The following ARMC2 variants were observed in gnomAD, a reference collection of about 807,000 sequenced individuals.
ARMC2 encodes the protein armadillo repeat-containing protein 2.
ARMC2 carries 67 observed loss-of-function variants against 90.3 expected under a neutral mutation model. The ratio of observed to expected loss-of-function variants is 0.74; its 90% confidence interval spans 0.61 to 0.91. ARMC2 has a LOEUF of 0.91. ARMC2 is among the 40% of genes least tolerant of loss of function. ARMC2 has a pLI of 0.00. For synonymous variants in ARMC2, 393 were observed against 393.0 expected (o/e 1.00, Z 0.00); for missense variants, 920 against 1,030.9 (o/e 0.89, Z 1.47).
At chr6:109,005,404 C>T in the ARMC2 span, among the ~76,000 whole-genome samples, 21 of 152,110 alleles carry the variant, frequency 1.4e-4, no homozygotes, top group Non-Finnish European at 2.5e-4. Flanking sequence ...CTTTATCTTA[C>T]AAATACATTA....
the ARMC2 span, among the ~76,000 whole-genome samples, chr6:109,037,702 G>C: frequency 6.6e-6 from 1 of 151,912 alleles, no homozygotes. Flanking sequence ...TAGAAACTTG[G>C]ACAATCATCA....
the ARMC2 span, among the ~76,000 whole-genome samples, chr6:109,035,313 G>A: frequency 6.6e-6 from 1 of 152,104 alleles, no homozygotes; most frequent in African/African-American, 2.4e-5. Flanking sequence ...TAACTTCAGA[G>A]AGCTAAGTCA....
At chr6:109,036,024 G>A in the ARMC2 span, among the ~76,000 whole-genome samples, 1 of 152,046 alleles carries the variant, frequency 6.6e-6, no homozygotes, top group Non-Finnish European at 1.5e-5. Flanking sequence ...AAGACTTTCA[G>A]AAACCCTCAA....
intron 12 of ARMC2, among the ~76,000 whole-genome samples, chr6:108,938,405 C>T (rs1776140302): frequency 1.4e-5 from 2 of 144,848 alleles, no homozygotes; most frequent in South Asian, 4.5e-4. Flanking sequence ...TGTGCCACCA[C>T]ACCTGGCTAA....
the ARMC2 span, among the ~76,000 whole-genome samples, chr6:109,006,435 C>T: frequency 6.6e-6 from 1 of 151,376 alleles, no homozygotes; most frequent in Non-Finnish European, 1.5e-5. Context: ...TCTCCTAATG[C>T]TATCCCTCCC....
chr6:108,849,963 T>A (rs1773838634), intron 1 of ARMC2, among the ~76,000 whole-genome samples: 1 of 152,222 alleles, frequency 6.6e-6, no homozygotes, highest in African/African-American at 2.4e-5. Flanking sequence ...TATGGAAGGG[T>A]CCTGAGTATT....
the ARMC2 span, among the ~76,000 whole-genome samples, chr6:108,980,069 G>A: frequency 1.3e-5 from 2 of 151,970 alleles, no homozygotes; most frequent in Non-Finnish European, 2.9e-5. Flanking sequence ...AGGAGAAGAG[G>A]CATTCTTGTT....
the ARMC2 span, chr6:108,994,529 T>C: frequency 3.1e-6 from 5 of 1,613,532 alleles, no homozygotes; most frequent in Non-Finnish European, 4.2e-6. Context: ...CTTCCTGACT[T>C]GCCTCTTCTT....
the ARMC2 span, among the ~76,000 whole-genome samples, chr6:109,021,287 A>G: frequency 6.6e-6 from 1 of 152,146 alleles, no homozygotes; most frequent in East Asian, 1.9e-4. Flanking sequence ...CGAGCCCACC[A>G]TGTACTTTAA....
intron 10 of ARMC2, among the ~76,000 whole-genome samples, chr6:108,918,289 C>T (rs890239645): frequency 4.6e-5 from 7 of 152,130 alleles, no homozygotes; most frequent in African/African-American, 1.2e-4. Context: ...GATGGGTCAG[C>T]TTTGGCAAAT....
intron 10 of ARMC2, among the ~76,000 whole-genome samples, chr6:108,924,949 G>A (rs1774967394): frequency 6.6e-6 from 1 of 152,148 alleles, no homozygotes; most frequent in South Asian, 2.1e-4. Flanking sequence ...GGGGAAAGGG[G>A]TGGGGCCCGG....
intron 5 of ARMC2, among the ~76,000 whole-genome samples, chr6:108,876,950 A>G (rs1322187305): frequency 1.1e-4 from 17 of 152,130 alleles, no homozygotes; most frequent in Admixed American, 1.1e-3. Context: ...CATATTAAGG[A>G]TCTGTGGAGA....
At chr6:108,990,753 T>C in the ARMC2 span, 1 of 1,614,094 alleles carries the variant, frequency 6.2e-7, no homozygotes, top group Non-Finnish European at 8.5e-7. Context: ...GTAAGCAATG[T>C]GAAATTTTTC....
chr6:108,898,848 G>C (rs891842372), intron 6 of ARMC2, among the ~76,000 whole-genome samples: 3 of 152,132 alleles, frequency 2.0e-5, no homozygotes, highest in African/African-American at 7.2e-5. Flanking sequence ...CACAGTCAAT[G>C]GTTGCTATTC....
At chr6:108,927,980 C>T in intron 10 of ARMC2, 108 bp from the exon 11 acceptor site, 2 of 1,172,240 alleles carry the variant, frequency 1.7e-6, no homozygotes, top group Non-Finnish European at 2.3e-6. Context: ...GGGAGCTTTG[C>T]TTAGCTACTG....
At chr6:108,889,911 G>A (rs947981584) in intron 5 of ARMC2, among the ~76,000 whole-genome samples, 11 of 151,596 alleles carry the variant, frequency 7.3e-5, no homozygotes, top group Admixed American at 3.3e-4. Flanking sequence ...GTTCCGGGCC[G>A]GGCGCGGTGG....
the ARMC2 span, among the ~76,000 whole-genome samples, chr6:109,032,994 A>G: frequency 6.6e-6 from 1 of 152,208 alleles, no homozygotes; most frequent in Non-Finnish European, 1.5e-5. Flanking sequence ...TTCCAGCCCT[A>G]AGGAACCTTA....
At chr6:108,945,133 T>C (rs967550579) in intron 12 of ARMC2, among the ~76,000 whole-genome samples, 2 of 152,126 alleles carry the variant, frequency 1.3e-5, no homozygotes, top group Non-Finnish European at 2.9e-5. Flanking sequence ...CTTTATGGTG[T>C]AAACTGCTTT....
At chr6:108,987,517 A>G in the ARMC2 span, 1 of 1,315,068 alleles carries the variant, frequency 7.6e-7, no homozygotes. Context: ...TGATCATTCC[A>G]GAATCATCTT....
Sources: allele counts gnomAD v4.1 joint callset (sites outside exome capture counted in the v4.1 genomes callset), GRCh38; gene constraint gnomAD v4.1.1; transcripts MANE v1.5; gene names NCBI Gene and HGNC (gene_info 2026-07-23, HGNC 2026-07-21).